The following RNF150 variants were observed in gnomAD, a reference collection of about 807,000 sequenced individuals.
RNF150 encodes the protein ring finger protein 150.
A neutral mutation model predicts 39.3 loss-of-function variants in RNF150; 24 were observed. The ratio of observed to expected loss-of-function variants is 0.61; its 90% CI spans 0.44 to 0.86. The LOEUF (loss-of-function observed/expected upper bound fraction) is 0.86, where lower values mean the gene tolerates loss of function less well. Ranked by LOEUF, RNF150 falls within the 40% of genes least tolerant of loss-of-function variation. The pLI, the probability that RNF150 is intolerant of heterozygous loss-of-function variation, is 0.00. For synonymous variants in RNF150, 255 were observed against 227.3 expected (o/e 1.12, Z -1.10); for missense variants, 502 against 587.8 (o/e 0.85, Z 1.51).
chr4:141,126,585 C>G (rs1376282626), intron 1 of RNF150, among the ~76,000 whole-genome samples: 1 of 152,044 alleles, frequency 6.6e-6, no homozygotes, highest in African/African-American at 2.4e-5. Flanking sequence ...AGGCCAAGAG[C>G]CAGATGGTAA....
intron 1 of RNF150, among the ~76,000 whole-genome samples, chr4:140,982,515 CTT>C (rs35925074): frequency 1.1e-4 from 15 of 132,862 alleles, no homozygotes; most frequent in Admixed American, 7.7e-5. Flanking sequence ...GTAGCACAGA[CTT>C]TTTTTTTTTT....
At chr4:141,001,323 TCTC>T (rs1734660897) in intron 1 of RNF150, among the ~76,000 whole-genome samples, 1 of 152,110 alleles carries the variant, frequency 6.6e-6, no homozygotes, top group African/African-American at 2.4e-5. Context: ...TCATTGTCAA[TCTC>T]CTTACATTTC....
chr4:141,190,242 G>C (rs1728084171), intron 1 of RNF150, among the ~76,000 whole-genome samples: 1 of 152,208 alleles, frequency 6.6e-6, no homozygotes, highest in African/African-American at 2.4e-5. Context: ...GGTCTCGCTG[G>C]TTGTTGCAGA....
intron 1 of RNF150, among the ~76,000 whole-genome samples, chr4:141,006,932 G>C (rs1734891427): frequency 6.6e-6 from 1 of 152,104 alleles, no homozygotes; most frequent in Non-Finnish European, 1.5e-5. Context: ...AATAGTGTTG[G>C]TCTACAATAT....
At chr4:141,127,343 G>T (rs1345775392) in intron 1 of RNF150, among the ~76,000 whole-genome samples, 1 of 152,160 alleles carries the variant, frequency 6.6e-6, no homozygotes, top group Non-Finnish European at 1.5e-5. Context: ...TACCCAGCAT[G>T]CTAAAAAAAT....
chr4:140,994,905 C>T (rs1011595437), intron 1 of RNF150, among the ~76,000 whole-genome samples: 4 of 152,054 alleles, frequency 2.6e-5, no homozygotes, highest in African/African-American at 7.3e-5. Context: ...TATTTTGATA[C>T]AAGCATACAA....
intron 6 of RNF150, among the ~76,000 whole-genome samples, chr4:140,884,874 A>G (rs937599063): frequency 1.2e-4 from 19 of 152,080 alleles, no homozygotes; most frequent in African/African-American, 4.6e-4. Flanking sequence ...CAATGGCACC[A>G]TGCTATACTA....
chr4:141,037,543 T>C (rs1014072348), intron 1 of RNF150, among the ~76,000 whole-genome samples: 12 of 152,210 alleles, frequency 7.9e-5, no homozygotes, highest in Admixed American at 1.3e-4. Context: ...CAAATTACTG[T>C]TAAGGCATTT....
At chr4:140,916,917 C>T (rs1213657421) in intron 5 of RNF150, among the ~76,000 whole-genome samples, 1 of 152,136 alleles carries the variant, frequency 6.6e-6, no homozygotes, top group Non-Finnish European at 1.5e-5. Context: ...AATTTTCAAC[C>T]CAGAATTTCA....
At chr4:141,028,503 C>G (rs1039682437) in intron 1 of RNF150, among the ~76,000 whole-genome samples, 1 of 152,156 alleles carries the variant, frequency 6.6e-6, no homozygotes, top group African/African-American at 2.4e-5. Flanking sequence ...AGGCAGTGCT[C>G]TCAGTAAATT....
intron 1 of RNF150, among the ~76,000 whole-genome samples, chr4:140,978,163 T>C (rs913142969): frequency 4.6e-5 from 7 of 152,124 alleles, no homozygotes; most frequent in Non-Finnish European, 8.8e-5. Flanking sequence ...ACCTGCAAGC[T>C]CAAAATATGT....
chr4:141,199,469 C>A (rs1175192008), intron 1 of RNF150, among the ~76,000 whole-genome samples: 1 of 152,144 alleles, frequency 6.6e-6, no homozygotes, highest in Non-Finnish European at 1.5e-5. Context: ...CAACTGATGA[C>A]TGGATAATCT....
intron 6 of RNF150, among the ~76,000 whole-genome samples, chr4:140,886,400 T>A (rs1217455737): frequency 6.6e-6 from 1 of 152,090 alleles, no homozygotes; most frequent in Non-Finnish European, 1.5e-5. Flanking sequence ...GAACTAGGCA[T>A]CCCACAATGC....
chr4:141,174,337 T>TG (rs1560768342), intron 1 of RNF150, among the ~76,000 whole-genome samples: 1 of 152,166 alleles, frequency 6.6e-6, no homozygotes, highest in Non-Finnish European at 1.5e-5. Context: ...ACCACAGTGC[T>TG]GGGACCAGGC....
At chr4:140,969,147 A>C (rs1733361435) in intron 1 of RNF150, among the ~76,000 whole-genome samples, 2 of 152,120 alleles carry the variant, frequency 1.3e-5, no homozygotes, top group South Asian at 4.1e-4. Flanking sequence ...AGTTTCTTAG[A>C]ATATTACTTA....
At chr4:141,060,217 G>A (rs1182064604) in intron 1 of RNF150, among the ~76,000 whole-genome samples, 1 of 152,218 alleles carries the variant, frequency 6.6e-6, no homozygotes, top group Non-Finnish European at 1.5e-5. Context: ...AAGGAGGGAG[G>A]AGTGTTTGAG....
chr4:141,162,952 G>A (rs368583302), intron 1 of RNF150, among the ~76,000 whole-genome samples: 1 of 152,202 alleles, frequency 6.6e-6, no homozygotes, highest in South Asian at 2.1e-4. Context: ...CCAGCAGACA[G>A]AATTGTTCAC....
intron 1 of RNF150, among the ~76,000 whole-genome samples, chr4:141,103,825 G>A (rs1481943751): frequency 6.6e-6 from 1 of 152,176 alleles, no homozygotes; most frequent in East Asian, 1.9e-4. Flanking sequence ...AAACACTAGT[G>A]TGGAAGTTTT....
In RNF150 at chr4:141,069,620, G is replaced by C. The variant is rs796347708; in HGVS notation, c.484+62705C>G. 2.0e-5 allele frequency among the ~76,000 whole-genome samples: 3 copies of C among 150,924 alleles called. No individual in the cohort carries two copies. In the East Asian group the frequency reaches 5.9e-4, roughly 29 times the overall value. On this transcript the variant is annotated intron_variant, in intron 1 of 6. Transcript: ENST00000515673. Reference sequence around the variant, plus strand: ...CCCTCTTTTTCTATTGATTGGAATAGTTTCAGAAGGAATGGTACCAGTTCC... The same window carrying C: ...CCCTCTTTTTCTATTGATTGGAATACTTTCAGAAGGAATGGTACCAGTTCC...
Sources: allele counts gnomAD v4.1 joint callset (sites outside exome capture counted in the v4.1 genomes callset), GRCh38; gene constraint gnomAD v4.1.1; transcripts MANE v1.5; gene names NCBI Gene and HGNC (gene_info 2026-07-23, HGNC 2026-07-21).